The following CACNA1A variants were observed in gnomAD, a reference collection of about 807,000 sequenced individuals.
The protein encoded by CACNA1A is calcium voltage-gated channel subunit alpha1 A, also known as voltage-dependent P/Q-type calcium channel subunit alpha-1A.
Under a neutral mutation model 262.4 loss-of-function variants are expected in CACNA1A, and 57 were observed. The ratio of observed to expected loss-of-function variants is 0.22; its 90% CI spans 0.18 to 0.27. The LOEUF (loss-of-function observed/expected upper bound fraction) is 0.27, where lower values mean the gene tolerates loss of function less well. Among genes scored for constraint, CACNA1A ranks in the 10% least tolerant of loss-of-function variants. CACNA1A has a pLI of 1.00. For missense variants in CACNA1A, 2,526 were observed against 3,562.8 expected, an observed-to-expected ratio of 0.71 and a Z score of 7.41; for synonymous variants, 1,431 against 1,419.3, an observed-to-expected ratio of 1.01 and a Z score of -0.18.
rs202072454 is a variant in CACNA1A at position 13,352,403 on chromosome 19, CAAAAAA to C, written c.978+7197_978+7202del. ...TGGGCAACAGAGTGAGACTCCATCT[CAAAAAA>C]AAAAAAAAAAAGTAAACTGTGATCA... is the stretch of plus-strand genomic sequence containing the variant. On this transcript the variant is annotated intron_variant, in intron 6 of 46. Coordinates refer to ENST00000360228, the MANE Select transcript of CACNA1A (RefSeq NM_001127222.2). Among the ~76,000 whole-genome samples the C allele has an allele frequency of 4.9e-3, 408 of 82,634 alleles. 3 individuals are homozygous for C. Among genetic ancestry groups the C allele is most frequent in the African/African-American group, 0.018 (395 of 21,630 alleles). 54.2% of individuals were successfully genotyped at this position (82,634 alleles called of 152,430 possible). A position where few individuals can be genotyped will look rare whatever the true frequency, so the allele number is the denominator to read the frequency against.
rs1401944527 is a variant in CACNA1A at position 13,286,638 on chromosome 19, G to T, written c.3418C>A (p.Pro1140Thr). The change falls in exon 20 of 47, where the codon CCC (proline) becomes ACC (threonine). Residue 1140 changes from proline to threonine, a missense_variant. Pro to Thr is a conservative substitution (Grantham distance 38, BLOSUM62 -1). Coordinates refer to ENST00000360228, the MANE Select transcript of CACNA1A (RefSeq NM_001127222.2). ...NPSNPGPPKT[P>T]ENSLIVTNPS... is the part of the protein sequence containing the mutation. ...TTGGTGACGATAAGGCTATTCTCGG[G>T]GGTCTTGGGGGGGCCGGGATTGGAT... 3 of 1,536,434 alleles carry T rather than the reference G, an allele frequency of 2.0e-6. No homozygotes were observed. The highest frequency in any genetic ancestry group is 2.1e-5 in the Admixed American group (1 of 48,258).
chr19:13,408,678 T>A (rs986456607), intron 3 of CACNA1A, among the ~76,000 whole-genome samples: 2 of 152,246 alleles, frequency 1.3e-5, no homozygotes, highest in African/African-American at 4.8e-5. Flanking sequence ...GGTGAGCAAC[T>A]GTTCTTGCCC....
At chr19:13,317,015 C>T in intron 11 of CACNA1A, 97 bp downstream of exon 11, 1 of 758,468 alleles carries the variant, frequency 1.3e-6, no homozygotes, top group Non-Finnish European at 2.2e-6. Flanking sequence ...CAATGAGGAC[C>T]AAAGAAGATA....
chr19:13,214,601 G>A lies in CACNA1A; in HGVS notation c.5739C>T (p.Ala1913=), dbSNP rs16044. 2.4e-3 allele frequency: 3,938 copies of A among 1,612,970 alleles called. 75 individuals are homozygous for A. The African/African-American group carries it at 0.046, about 19-fold the overall frequency. The change falls in exon 39 of 47, where the codon GCC becomes GCT. Residue 1913 remains alanine (A), a synonymous_variant. Coordinates refer to ENST00000360228, the MANE Select transcript of CACNA1A (RefSeq NM_001127222.2). This position sits in a 1 kb window ranked among gnomAD's most constrained non-coding sequence, Gnocchi z 4.1. ...GCTCAGCGTCCATCTGCTGTTTGTC[G>A]GCTCCTCCTGCAATGGGGGTGTAGA... ...ALDIKIAKGG[A]DKQQMDAELR...
chr19:13,450,762 T>C (rs1373587068), intron 3 of CACNA1A: 8 of 152,252 alleles, frequency 5.3e-5, no homozygotes, highest in African/African-American at 1.9e-4. Context: ...GCTCAAGCAA[T>C]CCTCTCTCTC....
At chr19:13,382,470 G>A (rs2059540425) in intron 3 of CACNA1A, among the ~76,000 whole-genome samples, 3 of 152,188 alleles carry the variant, frequency 2.0e-5, no homozygotes, top group Admixed American at 2.0e-4. Flanking sequence ...GAAGATAAGG[G>A]AGGCTTCTCT....
intron 37 of CACNA1A, chr19:13,225,556 G>A (rs1252054947): frequency 6.6e-6 from 1 of 152,154 alleles, no homozygotes; most frequent in African/African-American, 2.4e-5. Flanking sequence ...TTGGTGGCAT[G>A]GGAGAGGATG....
chr19:13,447,992 C>T, intron 3 of CACNA1A, among the ~76,000 whole-genome samples: 1 of 151,184 alleles, frequency 6.6e-6, no homozygotes, highest in Non-Finnish European at 1.5e-5. Flanking sequence ...TTGCATCCTT[C>T]AAGCTGATCA....
chr19:13,404,035 T>A (rs930906592), intron 3 of CACNA1A, among the ~76,000 whole-genome samples: 2 of 152,162 alleles, frequency 1.3e-5, no homozygotes, highest in Non-Finnish European at 2.9e-5. Context: ...TCCAGCTGTG[T>A]GATCTTGGGG....
At chr19:13,319,501 A>T (rs777999982) in intron 10 of CACNA1A, among the ~76,000 whole-genome samples, 6 of 152,032 alleles carry the variant, frequency 3.9e-5, no homozygotes, top group African/African-American at 1.5e-4. Flanking sequence ...CCATACATCC[A>T]TCCAGCACGT....
In CACNA1A at chr19:13,299,181, G is replaced by A; in HGVS notation, c.2452C>T (p.His818Tyr). Residue 818 changes from histidine (H) to tyrosine (Y), a missense_variant, in exon 19 of 47, where the codon CAC becomes TAC. His to Tyr is a moderately conservative substitution (Grantham distance 83). Around this residue, in one of 17 missense-constraint regions of CACNA1A, gnomAD observed 765 missense variants for 748.6 expected, o/e 1.02. Coordinates refer to ENST00000360228, the MANE Select transcript of CACNA1A (RefSeq NM_001127222.2). ...TRHLRPDMKTHLDRPLVVDPQ... is the reference protein window; with the variant it reads ...TRHLRPDMKTYLDRPLVVDPQ... ...TCCACCACCAGCGGCCGGTCCAAGT[G>A]CGTCTTCATGTCTGGCCGCAGGTGC... The A allele has an allele frequency of 1.9e-6, 3 of 1,612,946 alleles. No homozygotes were observed. Among genetic ancestry groups the A allele is most frequent in the Non-Finnish European group, 2.5e-6 (3 of 1,179,892 alleles).
chr19:13,252,908 G>A (rs911022908), intron 30 of CACNA1A, 83 bp downstream of exon 30: 20 of 891,338 alleles, frequency 2.2e-5, no homozygotes, highest in Non-Finnish European at 3.0e-5. Context: ...TTGGGGCCAC[G>A]TTGGGAGACC....
chr19:13,210,545 C>T, intron 44 of CACNA1A, 72 bp downstream of exon 44: 2 of 1,375,994 alleles, frequency 1.5e-6, no homozygotes, highest in Non-Finnish European at 2.0e-6. Flanking sequence ...GATGACGGGA[C>T]TCCCTGGAGG....
At chr19:13,369,175 T>C (rs1008017425) in intron 4 of CACNA1A, among the ~76,000 whole-genome samples, 1 of 152,134 alleles carries the variant, frequency 6.6e-6, no homozygotes, top group Non-Finnish European at 1.5e-5. Context: ...CCAGCTGCTA[T>C]GGATGTTGGT....
At chr19:13,417,228 G>A (rs1219416011) in intron 3 of CACNA1A, among the ~76,000 whole-genome samples, 2 of 152,160 alleles carry the variant, frequency 1.3e-5, no homozygotes, top group Non-Finnish European at 2.9e-5. Context: ...GCTTGCATCC[G>A]GAGGGCTGGA....
At chr19:13,487,965 C>T (rs1486371116) in intron 1 of CACNA1A, among the ~76,000 whole-genome samples, 1 of 151,986 alleles carries the variant, frequency 6.6e-6, no homozygotes, top group Non-Finnish European at 1.5e-5. Flanking sequence ...ACCACTACAC[C>T]TGGGTAATGT....
rs927838078 is a variant in CACNA1A at position 13,207,512 on chromosome 19, C to G, written c.7322G>C (p.Arg2441Pro). ...CCCGGTGGCGCCCGAGGACGCGTGT[C>G]GTACGGGGGGTGGCGCGTCGTAGGC... ...AGAYDAPPPV[R>P]HASSGATGRS... The change falls in exon 47 of 47, where the codon CGA (arginine) becomes CCA (proline). Residue 2441 changes from arginine to proline, a missense_variant. Arg to Pro is a moderately radical substitution (Grantham distance 103). Coordinates refer to ENST00000360228, the MANE Select transcript of CACNA1A (RefSeq NM_001127222.2). This position sits in a 1 kb window ranked among gnomAD's most constrained non-coding sequence, Gnocchi z 5.7. 1 of 1,429,580 alleles carries G rather than the reference C, an allele frequency of 7.0e-7. No homozygotes were observed. Among genetic ancestry groups the G allele is most frequent in the African/African-American group, 1.5e-5 (1 of 65,612 alleles). The allele number at this position is 1,429,580 out of a possible 1,614,324, so 88.6% of individuals were successfully genotyped here.
chr19:13,226,023 C>T (rs2055423008), intron 37 of CACNA1A: 1 of 151,876 alleles, frequency 6.6e-6, no homozygotes, highest in African/African-American at 2.4e-5. Context: ...AACAGCTTCC[C>T]AGGTGATAGA....
In CACNA1A at chr19:13,293,533, C is replaced by A. The variant is rs2057592304; in HGVS notation, c.3089+5011G>T. Among the ~76,000 whole-genome samples, 4 of 148,728 alleles carry A rather than the reference C, an allele frequency of 2.7e-5. No homozygotes were observed. The South Asian group carries it at 8.8e-4, about 33-fold the overall frequency. ...CGATCTCGGCTCACTGCAAGCTCCG[C>A]CTCCCGGGTTTTACACCATTCTCCT... On this transcript the variant is annotated intron_variant, in intron 19 of 46. Coordinates refer to ENST00000360228, the MANE Select transcript of CACNA1A (RefSeq NM_001127222.2).
Sources: gnomAD v4.1 joint callset for allele counts (sites outside exome capture counted in the v4.1 genomes callset) on GRCh38, gnomAD v4.1.1 for gene constraint, gnomAD v4.1.1 regional missense constraint, Gnocchi (gnomAD v3.1) non-coding constraint, MANE v1.5 for transcripts, NCBI Gene and HGNC (gene_info 2026-07-23, HGNC 2026-07-21) for gene names.